POU6F2: variants seen among roughly 807,000 people sequenced by gnomAD.
The protein encoded by POU6F2 is POU class 6 homeobox 2, also known as POU domain, class 6, transcription factor 2.
A neutral mutation model predicts 71.3 loss-of-function variants in POU6F2; 31 were observed. That is an observed-to-expected ratio of 0.43 (90% CI 0.33 to 0.59). The LOEUF is 0.59. Ranked by LOEUF, POU6F2 falls within the 20% of genes least tolerant of loss-of-function variation. POU6F2 has a pLI of 0.04. For missense variants in POU6F2, 783 were observed against 856.8 expected (o/e 0.91, Z 1.07); for synonymous variants, 347 against 355.7 (o/e 0.98, Z 0.27).
At position 39,460,758 on chromosome 7, in the gene POU6F2, G is replaced by A. The variant is rs1464554040; in HGVS notation, c.1658+43G>A. On this transcript the variant is annotated intron_variant, in intron 9 of 9. Transcript: ENST00000518318. The surrounding 1 kb of genome is among the most constrained non-coding windows in gnomAD (Gnocchi z 4.4). ...GCTGTCACCTCTTCTAGCCGCCCTGGGCCTCATTTGTCCTCGCGGTTCAGC... is the reference window on the plus strand; with the variant it reads ...GCTGTCACCTCTTCTAGCCGCCCTGAGCCTCATTTGTCCTCGCGGTTCAGC... The A allele has an allele frequency of 6.7e-7, 1 of 1,495,800 alleles. No homozygotes were observed. Among genetic ancestry groups the A allele is most frequent in the African/African-American group, 1.4e-5 (1 of 71,684 alleles). The allele number at this position is 1,495,800 out of a possible 1,614,324, so 92.7% of individuals were successfully genotyped here.
chr7:39,173,342 T>C (rs553311478), intron 2 of POU6F2, among the ~76,000 whole-genome samples: 6 of 152,320 alleles, frequency 3.9e-5, no homozygotes, highest in African/African-American at 1.4e-4. Flanking sequence ...CTGTGCTTAT[T>C]AGCTAACCTC....
At chr7:39,327,618 A>G (rs1466605353) in intron 4 of POU6F2, among the ~76,000 whole-genome samples, 1 of 152,036 alleles carries the variant, frequency 6.6e-6, no homozygotes, top group East Asian at 1.9e-4. Context: ...GAATTTTATT[A>G]TGTTTATTTT....
rs768315248 is a variant in POU6F2 at position 39,339,661 on chromosome 7, C to CCAGCTCCAG, written c.629_637dup (p.Gln210_Gln212dup). 7.5e-6 allele frequency: 12 copies of CCAGCTCCAG among 1,596,980 alleles called. No individual in the cohort carries two copies. In the Admixed American group the frequency reaches 8.4e-5, roughly 11 times the overall value. ...TTGTAGCTACCTCATCCCTGAACTC[C>CCAGCTCCAG]CAGCTCCAGCAGCTCCAGCTCCAGC... On this transcript the variant is annotated inframe_insertion, in exon 5 of 10. Transcript: ENST00000518318.
intron 1 of POU6F2, among the ~76,000 whole-genome samples, chr7:39,069,686 G>T (rs1232296352): frequency 6.6e-6 from 1 of 152,040 alleles, no homozygotes; most frequent in African/African-American, 2.4e-5. Context: ...TTATATACTG[G>T]ATTATTACAA....
chr7:39,044,082 G>C (rs998238530), intron 1 of POU6F2, among the ~76,000 whole-genome samples: 26 of 151,894 alleles, frequency 1.7e-4, no homozygotes, highest in Non-Finnish European at 2.9e-5. Flanking sequence ...TGGGCGTAGG[G>C]ACTTAAAGAG....
At chr7:39,053,739 C>T (rs943014668) in intron 1 of POU6F2, among the ~76,000 whole-genome samples, 39 of 151,880 alleles carry the variant, frequency 2.6e-4, no homozygotes, top group African/African-American at 4.8e-4. Context: ...TGTAAAAAAT[C>T]GCTTTGAAGT....
At chr7:39,384,094 A>C (rs1228634771) in intron 5 of POU6F2, among the ~76,000 whole-genome samples, 1 of 152,248 alleles carries the variant, frequency 6.6e-6, no homozygotes, top group Non-Finnish European at 1.5e-5. Flanking sequence ...AGCTGATTCA[A>C]TAATCCAAAG....
intron 1 of POU6F2, among the ~76,000 whole-genome samples, chr7:38,989,781 A>G (rs1788554708): frequency 6.7e-6 from 1 of 150,162 alleles, no homozygotes; most frequent in African/African-American, 2.5e-5. Context: ...GTAGGATATT[A>G]GGCACTGTTC....
chr7:39,419,817 C>T (rs924783617), intron 6 of POU6F2, among the ~76,000 whole-genome samples: 2 of 152,124 alleles, frequency 1.3e-5, no homozygotes, highest in Non-Finnish European at 2.9e-5. Context: ...CATTAGTGAC[C>T]GGGTAAGCTG....
At chr7:39,380,571 T>C (rs1562809042) in intron 5 of POU6F2, among the ~76,000 whole-genome samples, 1 of 152,152 alleles carries the variant, frequency 6.6e-6, no homozygotes, top group Non-Finnish European at 1.5e-5. Flanking sequence ...TGTAACAAAA[T>C]AAGGACAACA....
At chr7:39,163,462 A>G (rs1793040145) in intron 2 of POU6F2, among the ~76,000 whole-genome samples, 1 of 152,172 alleles carries the variant, frequency 6.6e-6, no homozygotes, top group African/African-American at 2.4e-5. Flanking sequence ...CTGCTTTGAC[A>G]CTTATGAGGT....
chr7:39,453,671 C>G (rs1788714105), intron 8 of POU6F2, among the ~76,000 whole-genome samples: 1 of 152,152 alleles, frequency 6.6e-6, no homozygotes, highest in South Asian at 2.1e-4. Context: ...AAGGATTAGC[C>G]TTTTTCAGAA....
At chr7:39,426,122 A>G (rs1378814654) in intron 6 of POU6F2, among the ~76,000 whole-genome samples, 2 of 152,214 alleles carry the variant, frequency 1.3e-5, no homozygotes, top group African/African-American at 4.8e-5. Context: ...CCCTGTTGGA[A>G]TGGTTCCCAT....
At chr7:39,249,522 A>G (rs1783877580) in intron 4 of POU6F2, among the ~76,000 whole-genome samples, 1 of 152,222 alleles carries the variant, frequency 6.6e-6, no homozygotes, top group South Asian at 2.1e-4. Flanking sequence ...TTTTATTTAT[A>G]AAACATAAAG....
intron 5 of POU6F2, among the ~76,000 whole-genome samples, chr7:39,351,627 A>G (rs947724507): frequency 5.9e-5 from 9 of 152,174 alleles, no homozygotes; most frequent in African/African-American, 2.2e-4. Flanking sequence ...TTGCATATGG[A>G]TCCACCTGAA....
chr7:39,006,929 G>A, intron 1 of POU6F2: 1 of 1,499,910 alleles, frequency 6.7e-7, no homozygotes, highest in Non-Finnish European at 9.3e-7. Context: ...TATAATCTGT[G>A]AGTTTATTGT....
chr7:39,413,483 A>G (rs3800850), intron 6 of POU6F2, among the ~76,000 whole-genome samples: 4,074 of 152,282 alleles, frequency 0.027, 127 homozygotes, highest in East Asian at 0.07. Context: ...TTTTCTCACA[A>G]ATATTATGAA....
intron 1 of POU6F2, among the ~76,000 whole-genome samples, chr7:39,079,142 CA>C (rs1238992357): frequency 6.9e-6 from 1 of 144,932 alleles, no homozygotes; most frequent in African/African-American, 2.5e-5. Context: ...TATTCATACA[CA>C]TTATCTGTAC....
chr7:39,252,359 A>C (rs868491979), intron 4 of POU6F2, among the ~76,000 whole-genome samples: 22 of 150,316 alleles, frequency 1.5e-4, no homozygotes, highest in Admixed American at 6.0e-4. Context: ...GCCTCTCCAG[A>C]GTCACCACAC....
Sources: gnomAD v4.1 joint callset for allele counts (sites outside exome capture counted in the v4.1 genomes callset) on GRCh38, gnomAD v4.1.1 for gene constraint, Gnocchi (gnomAD v3.1) non-coding constraint, MANE v1.5 for transcripts, NCBI Gene and HGNC (gene_info 2026-07-23, HGNC 2026-07-21) for gene names.